The following POR variants were observed in gnomAD, a reference collection of about 807,000 sequenced individuals.
POR encodes the protein NADPH--cytochrome P450 reductase.
Under a neutral mutation model 84.0 loss-of-function variants are expected in POR, and 56 were observed. That is an observed-to-expected ratio of 0.67 (90% CI 0.54 to 0.83). The LOEUF (loss-of-function observed/expected upper bound fraction) is 0.83. Among genes scored for constraint, POR ranks in the 40% least tolerant of loss-of-function variants. The pLI is 0.00. For missense variants in POR, 938 were observed against 944.3 expected (o/e 0.99, Z 0.09); for synonymous variants, 414 against 400.5 (o/e 1.03, Z -0.40).
Position 75,981,601 on chromosome 7 carries a change from G to A in POR, c.726G>A (p.Glu242=), listed in dbSNP as rs1554557965. The A allele has an allele frequency of 3.7e-6, 6 of 1,612,652 alleles. No homozygotes were observed. In the East Asian group the frequency reaches 1.3e-4, roughly 36 times the overall value. ...TTGGGGTGGAAGCCACTGGCGAGGA[G>A]TCCAGGTGAGCAAGTGCCCGCAGGT... is the stretch of plus-strand genomic sequence containing the variant. The change falls in exon 7 of 16, where the codon GAG becomes GAA. Residue 242 remains glutamate (E), a synonymous_variant. Transcript: ENST00000461988.
chr7:75,972,950 G>A lies in POR; in HGVS notation c.237+489G>A, dbSNP rs1788506544. ...CCATTCTCGTGCCTCAGCCTCCCGA[G>A]TAGCTGGGATTACAGGTGCGTGCCA... On this transcript the variant is annotated intron_variant, in intron 3 of 15. Transcript: ENST00000461988. 2.0e-5 allele frequency among the ~76,000 whole-genome samples: 3 copies of A among 152,030 alleles called. No homozygotes were observed. In the South Asian group the frequency reaches 6.2e-4, roughly 31 times the overall value.
rs782401807 is a variant in POR, at chr7:75,953,943, A to G, written c.-4-46A>G. On this transcript the variant is annotated intron_variant, in intron 1 of 15. Transcript: ENST00000461988. ...GGGCACCCCAGCCAGCCTCAGGGGC[A>G]CCCTGCTACCCTCTGCTGACATCTG... 2.3e-5 allele frequency: 34 copies of G among 1,460,730 alleles called. No individual in the cohort carries two copies. In the Admixed American group the frequency reaches 6.8e-4, roughly 29 times the overall value. 90.5% of individuals were successfully genotyped at this position (1,460,730 alleles called of 1,614,324 possible). A position where few individuals can be genotyped will look rare whatever the true frequency, so the allele number is the denominator to read the frequency against.
intron 1 of POR, among the ~76,000 whole-genome samples, chr7:75,939,236 T>C (rs1807844353): frequency 6.6e-6 from 1 of 152,224 alleles, no homozygotes. Context: ...GACGTTTTTG[T>C]ACCTGAACAT....
intron 1 of POR, among the ~76,000 whole-genome samples, chr7:75,925,104 A>G (rs1554549301): frequency 6.6e-6 from 1 of 152,322 alleles, no homozygotes; most frequent in South Asian, 2.1e-4. Context: ...AGTCCAGGGA[A>G]GCTCTTGTGG....
chr7:75,923,579 G>A (rs1337711255), intron 1 of POR: 9 of 341,266 alleles, frequency 2.6e-5, no homozygotes, highest in African/African-American at 1.9e-4. Context: ...AAACTGTAAA[G>A]GAAGGGTCAA....
At chr7:75,983,701 G>A (rs782535519) in intron 9 of POR, 37 bp from the exon 10 acceptor site, 3 of 1,608,482 alleles carry the variant, frequency 1.9e-6, no homozygotes, top group Admixed American at 1.7e-5. Context: ...GGCAGGGCCA[G>A]CCTTCCGCCC....
In POR at chr7:75,981,829, G is replaced by A. The variant is rs72557911; in HGVS notation, c.731+223G>A. The A allele has an allele frequency of 5.7e-3, 3,321 of 586,408 alleles. 15 individuals carry two copies. The highest frequency in any genetic ancestry group is 8.2e-3 in the Non-Finnish European group (2,721 of 331,780). 36.3% of individuals were successfully genotyped at this position (586,408 alleles called of 1,614,324 possible). On this transcript the variant is annotated intron_variant, in intron 7 of 15. Coordinates refer to ENST00000461988, the MANE Select transcript of POR (RefSeq NM_000941.3). ...TCCCACCTCTCGACAAGGACACATCGCGTCGGGCTCTGTGGCTAGGTTCAA... is the reference window on the plus strand; with the variant it reads ...TCCCACCTCTCGACAAGGACACATCACGTCGGGCTCTGTGGCTAGGTTCAA...
intron 3 of POR, among the ~76,000 whole-genome samples, chr7:75,973,744 C>G (rs933414480): frequency 7.5e-6 from 1 of 134,028 alleles, no homozygotes; most frequent in Non-Finnish European, 1.5e-5. Flanking sequence ...TGCAATGGCA[C>G]GGTCTTGGCT....
chr7:75,945,900 G>A (rs1787150774), intron 1 of POR, among the ~76,000 whole-genome samples: 1 of 152,174 alleles, frequency 6.6e-6, no homozygotes, highest in Non-Finnish European at 1.5e-5. Flanking sequence ...ATACTTCCTG[G>A]AAGATAACCT....
chr7:75,920,448 A>G (rs1207815136), intron 1 of POR, among the ~76,000 whole-genome samples: 1 of 152,172 alleles, frequency 6.6e-6, no homozygotes, highest in Admixed American at 6.6e-5. Context: ...ACTTGGATGT[A>G]GTAATGAGGA....
Position 75,983,753 on chromosome 7 carries a change from C to T in POR, c.963C>T (p.Asp321=). ...CTCCCTCCAGGTATGAATCTGGGGA[C>T]CACGTGGCTGTGTACCCAGCCAACG... is the stretch of plus-strand genomic sequence containing the variant. The change falls in exon 10 of 16, where the codon GAC becomes GAT. Residue 321 remains aspartate, a synonymous_variant. Transcript: ENST00000461988. 1.2e-6 allele frequency: 2 copies of T among 1,612,402 alleles called. No homozygotes were observed. The highest frequency in any genetic ancestry group is 8.5e-7 in the Non-Finnish European group (1 of 1,179,652).
intron 1 of POR, among the ~76,000 whole-genome samples, chr7:75,940,821 T>C (rs1554551419): frequency 1.3e-5 from 2 of 151,846 alleles, no homozygotes; most frequent in Non-Finnish European, 1.5e-5. Flanking sequence ...ACTCTCATAA[T>C]GGTGAGGGTC....
intron 1 of POR, among the ~76,000 whole-genome samples, chr7:75,931,822 C>T (rs1246807695): frequency 1.3e-5 from 2 of 152,212 alleles, no homozygotes; most frequent in Admixed American, 6.5e-5. Flanking sequence ...CTCCCACCAT[C>T]TGTTCTGTTT....
intron 2 of POR, among the ~76,000 whole-genome samples, chr7:75,958,926 T>C (rs764308740): frequency 8.5e-5 from 13 of 152,248 alleles, no homozygotes; most frequent in Admixed American, 7.8e-4. Context: ...TCTTGGACTT[T>C]GGAATGTTTG....
intron 3 of POR, among the ~76,000 whole-genome samples, chr7:75,977,742 C>T (rs546047090): frequency 1.4e-3 from 209 of 152,322 alleles, no homozygotes; most frequent in African/African-American, 4.6e-3. Context: ...CGTGCCATTA[C>T]ACTCCAATCT....
intron 3 of POR, among the ~76,000 whole-genome samples, chr7:75,978,236 G>A (rs564325314): frequency 6.6e-6 from 1 of 152,208 alleles, no homozygotes; most frequent in East Asian, 1.9e-4. Context: ...CAATTGGATT[G>A]TATAGCCAGC....
chr7:75,931,934 CTTAAGTGCTTA>C (rs1223249000), intron 1 of POR, among the ~76,000 whole-genome samples: 2 of 152,208 alleles, frequency 1.3e-5, no homozygotes, highest in African/African-American at 2.4e-5. Flanking sequence ...CATGGCCTCC[CTTAAGTGCTTA>C]TTAATTCCTG....
rs1554558902 is a variant in POR, at chr7:75,985,122, C to T, written c.1313C>T (p.Pro438Leu). 5 of 1,600,112 alleles carry T rather than the reference C, an allele frequency of 3.1e-6. No individual in the cohort carries two copies. Among genetic ancestry groups the T allele is most frequent in the East Asian group, 2.2e-5 (1 of 44,862 alleles). Reference sequence around the variant, plus strand: ...ATCCTGGCCATCCTGCAGGACTGCCCGTCCCTGCGGCCCCCCATCGACCAC... The same window carrying T: ...ATCCTGGCCATCCTGCAGGACTGCCTGTCCCTGCGGCCCCCCATCGACCAC... Residue 438 changes from proline to leucine, a missense_variant, in exon 12 of 16, where the codon CCG (proline) becomes CTG (leucine). Pro to Leu is a moderately conservative substitution (Grantham distance 98). Coordinates refer to ENST00000461988, the MANE Select transcript of POR (RefSeq NM_000941.3).
intron 2 of POR, among the ~76,000 whole-genome samples, chr7:75,966,413 G>T (rs1554555259): frequency 6.6e-6 from 1 of 152,226 alleles, no homozygotes; most frequent in African/African-American, 2.4e-5. Flanking sequence ...TGAAGGTCAA[G>T]AAATCTGGGT....
Sources: allele counts gnomAD v4.1 joint callset (sites outside exome capture counted in the v4.1 genomes callset), GRCh38; gene constraint gnomAD v4.1.1; transcripts MANE v1.5; gene names NCBI Gene and HGNC (gene_info 2026-07-23, HGNC 2026-07-21).